The following WASHC2C variants were observed in gnomAD, a reference collection of about 807,000 sequenced individuals.
The protein encoded by WASHC2C is Vaccinia Penetration Factor.
A neutral mutation model predicts 142.2 loss-of-function variants in WASHC2C; 73 were observed. The ratio of observed to expected loss-of-function variants is 0.51; its 90% CI spans 0.43 to 0.62. The LOEUF is 0.62. WASHC2C is among the 20% of genes least tolerant of loss of function. The pLI, the probability that WASHC2C is intolerant of heterozygous loss-of-function variation, is 0.00. For missense variants in WASHC2C, 969 were observed against 1,531.7 expected, an observed-to-expected ratio of 0.63 and a Z score of 6.13; for synonymous variants, 337 against 565.5, an observed-to-expected ratio of 0.60 and a Z score of 5.73.
chr10:45,790,560 T>G, intron 30 of WASHC2C, 27 bp downstream of exon 30: 2 of 1,612,008 alleles, frequency 1.2e-6, no homozygotes, highest in East Asian at 4.5e-5. Flanking sequence ...ACATCTGACC[T>G]AGAGAATTCT....
At chr10:45,742,286 T>C (rs1554868486) in intron 5 of WASHC2C, among the ~76,000 whole-genome samples, 1 of 152,264 alleles carries the variant, frequency 6.6e-6, no homozygotes, top group Non-Finnish European at 1.5e-5. Flanking sequence ...ATTGTTCTTC[T>C]GTTTATTGAG....
chr10:45,742,915 G>GC (rs2052304560), intron 5 of WASHC2C, among the ~76,000 whole-genome samples: 1 of 111,358 alleles, frequency 9.0e-6, no homozygotes, highest in Admixed American at 1.1e-4. Flanking sequence ...TGCTCTTATT[G>GC]CCCAGGCTAG....
chr10:45,758,084 C>T (rs1480727764), intron 16 of WASHC2C, among the ~76,000 whole-genome samples: 1 of 151,490 alleles, frequency 6.6e-6, no homozygotes, highest in Non-Finnish European at 1.5e-5. Context: ...TTTTAATATC[C>T]AGCCACTTGT....
chr10:45,738,644 C>G (rs1257139178), intron 4 of WASHC2C, among the ~76,000 whole-genome samples: 2 of 152,160 alleles, frequency 1.3e-5, no homozygotes, highest in Admixed American at 6.5e-5. Flanking sequence ...TCAAAACCAG[C>G]TATAGTTCTG....
chr10:45,728,430 T>G (rs1370470286), intron 2 of WASHC2C, among the ~76,000 whole-genome samples: 1 of 152,054 alleles, frequency 6.6e-6, no homozygotes, highest in Non-Finnish European at 1.5e-5. Context: ...TGTCACTTGG[T>G]TTTAGTACTT....
intron 20 of WASHC2C, among the ~76,000 whole-genome samples, chr10:45,770,108 G>C (rs1474649407): frequency 4.0e-5 from 6 of 151,632 alleles, no homozygotes; most frequent in African/African-American, 1.5e-4. Context: ...GGGTGTGGTG[G>C]CACGCGCCTG....
Position 45,789,473 on chromosome 10 carries a change from A to C in WASHC2C, c.3690A>C (p.Thr1230=). Reference sequence around the variant, plus strand: ...GTAGTCAGCAGGATGTCATATTAACAACACAAGATATTTTTGAGGTAATAG... The same window carrying C: ...GTAGTCAGCAGGATGTCATATTAACCACACAAGATATTTTTGAGGTAATAG... ...KSSSQQDVIL[T]TQDIFEDDIF... Residue 1230 remains threonine, a synonymous_variant, in exon 29 of 31, where the codon ACA becomes ACC. Coordinates refer to ENST00000623400, the MANE Select transcript of WASHC2C (RefSeq NM_001330074.2). 3 of 1,612,090 alleles carry C rather than the reference A, an allele frequency of 1.9e-6. No individual in the cohort carries two copies. Among genetic ancestry groups the C allele is most frequent in the East Asian group, 4.5e-5 (2 of 44,888 alleles).
Position 45,754,483 on chromosome 10 carries a change from T to C in WASHC2C, c.1181-3T>C. 1 of 1,586,116 alleles carries C rather than the reference T, an allele frequency of 6.3e-7. No individual in the cohort carries two copies. Among genetic ancestry groups the C allele is most frequent in the Non-Finnish European group, 8.6e-7 (1 of 1,165,090 alleles). On this transcript the variant is annotated splice_region_variant and splice_polypyrimidine_tract_variant and intron_variant, in intron 13 of 30. Transcript: ENST00000623400. ...ATGGTTACCCCTTGCTTTCTCATTC[T>C]AGAGTCTTCATCATCCAAACCTGGA...
intron 25 of WASHC2C, among the ~76,000 whole-genome samples, chr10:45,785,146 A>G (rs1213608824): frequency 2.0e-4 from 31 of 152,302 alleles, no homozygotes; most frequent in African/African-American, 6.0e-4. Flanking sequence ...TGACTGTACT[A>G]CACATCTGTG....
In WASHC2C at chr10:45,769,548, A is replaced by C. The variant is rs1554883803; in HGVS notation, c.1969A>C (p.Lys657Gln). The change falls in exon 20 of 31, where the codon AAG becomes CAG. Residue 657 changes from lysine to glutamine, a missense_variant. Physicochemically the swap from Lys to Gln is moderately conservative, Grantham distance 53. Transcript: ENST00000623400. ...TGGGACCCTCCAGAGCCAGGAGGCC[A>C]AGGCTGTGAAAAAGACCAGTCTCTT... ...DSGTLQSQEA[K>Q]AVKKTSLFEE... 1.9e-6 allele frequency: 3 copies of C among 1,611,894 alleles called. No homozygotes were observed. The South Asian group carries it at 3.3e-5, about 18-fold the overall frequency.
intron 23 of WASHC2C, among the ~76,000 whole-genome samples, chr10:45,784,289 TAC>T (rs1213117183): frequency 0.014 from 254 of 17,630 alleles, 1 homozygote; most frequent in East Asian, 0.14. Context: ...TATATATATA[TAC>T]ACATATATAT....
chr10:45,738,570 G>T (rs1330991057), intron 4 of WASHC2C, among the ~76,000 whole-genome samples: 1 of 151,828 alleles, frequency 6.6e-6, no homozygotes, highest in Non-Finnish European at 1.5e-5. Flanking sequence ...ACCTGTAAAG[G>T]TTGGCCCTTT....
At chr10:45,788,352 T>G (rs1353286403) in intron 28 of WASHC2C, among the ~76,000 whole-genome samples, 2 of 152,270 alleles carry the variant, frequency 1.3e-5, no homozygotes, top group Non-Finnish European at 2.9e-5. Context: ...GAATTCAATG[T>G]TTATTGACTT....
chr10:45,765,022 C>A (rs1332241320), intron 18 of WASHC2C, among the ~76,000 whole-genome samples: 4 of 152,040 alleles, frequency 2.6e-5, no homozygotes, highest in Admixed American at 6.6e-5. Flanking sequence ...CTTTTGTTCC[C>A]CTTATCTGAA....
In WASHC2C at chr10:45,769,525, G is replaced by A. The variant is rs1554883788; in HGVS notation, c.1946G>A (p.Gly649Glu). Residue 649 changes from glycine (G) to glutamate (E), a missense_variant, in exon 20 of 31, where the codon GGG becomes GAG. Transcript: ENST00000623400. ...TCTAAAGGAGAACCCAGGGATTCTG[G>A]GACCCTCCAGAGCCAGGAGGCCAAG... ...SRSKGEPRDS[G>E]TLQSQEAKAV... 6.2e-7 allele frequency: 1 copy of A among 1,611,576 alleles called. No homozygotes were observed. Among genetic ancestry groups the A allele is most frequent in the Non-Finnish European group, 8.5e-7 (1 of 1,179,776 alleles).
chr10:45,783,574 C>G, intron 23 of WASHC2C, among the ~76,000 whole-genome samples: 1 of 152,230 alleles, frequency 6.6e-6, no homozygotes, highest in East Asian at 1.9e-4. Flanking sequence ...GATTCTCCCA[C>G]CTCAGCCTCC....
Position 45,750,165 on chromosome 10 carries a change from G to A in WASHC2C, c.802G>A (p.Glu268Lys), listed in dbSNP as rs1294368836. The A allele has an allele frequency of 6.2e-7, 1 of 1,611,402 alleles. No homozygotes were observed. The highest frequency in any genetic ancestry group is 8.5e-7 in the Non-Finnish European group (1 of 1,179,770). The change falls in exon 9 of 31, where the codon GAG (glutamate) becomes AAG (lysine). Residue 268 changes from glutamate (E) to lysine (K), a missense_variant. By Grantham distance (56) the Glu-to-Lys change is moderately conservative. Coordinates refer to ENST00000623400, the MANE Select transcript of WASHC2C (RefSeq NM_001330074.2). Reference sequence around the variant, plus strand: ...TGACCTTTTTGCTGACTCTGAGAAGGAGGAGGAAGATATTGAGGACATTGA... The same window carrying A: ...TGACCTTTTTGCTGACTCTGAGAAGAAGGAGGAAGATATTGAGGACATTGA... ...GCDLFADSEK[E>K]EEDIEDIEEN...
At chr10:45,763,035 T>G (rs1248292927) in intron 17 of WASHC2C, among the ~76,000 whole-genome samples, 1 of 152,134 alleles carries the variant, frequency 6.6e-6, no homozygotes, top group Non-Finnish European at 1.5e-5. Flanking sequence ...CTCTGATTCT[T>G]TAGACAGTAA....
intron 2 of WASHC2C, 93 bp downstream of exon 2, chr10:45,727,632 C>T (rs2050023492): frequency 1.4e-6 from 2 of 1,388,712 alleles, no homozygotes; most frequent in East Asian, 5.2e-5. Flanking sequence ...TGCACCTGGC[C>T]CGTCCCGTTG....
Sources: gnomAD v4.1 joint callset for allele counts (sites outside exome capture counted in the v4.1 genomes callset) on GRCh38, gnomAD v4.1.1 for gene constraint, MANE v1.5 for transcripts, NCBI Gene and HGNC (gene_info 2026-07-23, HGNC 2026-07-21) for gene names.